DOCK10: variants seen among roughly 807,000 people sequenced by gnomAD.
DOCK10 encodes dedicator of cytokinesis 10, also known as dedicator of cytokinesis protein 10.
Under a neutral mutation model 280.1 loss-of-function variants are expected in DOCK10, and 145 were observed. The ratio of observed to expected loss-of-function variants is 0.52; its 90% confidence interval spans 0.45 to 0.59. The LOEUF (loss-of-function observed/expected upper bound fraction) is 0.59, where lower values mean the gene tolerates loss of function less well. DOCK10 is among the 20% of genes least tolerant of loss of function. The pLI, the probability that DOCK10 is intolerant of heterozygous loss-of-function variation, is 0.00. For missense variants in DOCK10, 2,368 were observed against 2,651.7 expected, an observed-to-expected ratio of 0.89 and a Z score of 2.35; for synonymous variants, 915 against 942.2, an observed-to-expected ratio of 0.97 and a Z score of 0.53.
At chr2:225,035,283 A>G (rs1263976921) in intron 1 of DOCK10, among the ~76,000 whole-genome samples, 1 of 152,036 alleles carries the variant, frequency 6.6e-6, no homozygotes, top group African/African-American at 2.4e-5. Context: ...AGGACAGCCC[A>G]TCAAAGAGGT....
intron 31 of DOCK10, among the ~76,000 whole-genome samples, chr2:224,811,516 T>G (rs1408150303): frequency 2.6e-5 from 4 of 151,952 alleles, no homozygotes; most frequent in African/African-American, 9.7e-5. Flanking sequence ...AATTTTGGCT[T>G]TTGTTGCCAT....
At chr2:224,777,225 A>G (rs1224353385) in intron 51 of DOCK10, among the ~76,000 whole-genome samples, 1 of 152,256 alleles carries the variant, frequency 6.6e-6, no homozygotes, top group Admixed American at 6.5e-5. Context: ...AATGTAATGT[A>G]AAGTATGGCG....
chr2:224,783,273 ATTT>A (rs10713926), intron 50 of DOCK10, among the ~76,000 whole-genome samples: 1 of 143,994 alleles, frequency 6.9e-6, no homozygotes, highest in Admixed American at 7.0e-5. Context: ...TCAGACTGGA[ATTT>A]TTTTTTTTTT....
rs1559986977 is a variant in DOCK10, at chr2:225,035,580, ATATAT to A, written c.123+6667_123+6671del. On this transcript the variant is annotated intron_variant, in intron 1 of 55. Transcript: ENST00000258390. ...TATATATATATATATATATATATAT[ATATAT>A]ATAACACTGAATCAGTGTTAATTGT... Among the ~76,000 whole-genome samples, 24 of 109,422 alleles carry A rather than the reference ATATAT, an allele frequency of 2.2e-4. 1 individual carries two copies. In the South Asian group the frequency reaches 3.2e-3, roughly 14 times the overall value. 71.8% of individuals were successfully genotyped at this position (109,422 alleles called of 152,430 possible).
intron 51 of DOCK10, among the ~76,000 whole-genome samples, chr2:224,776,849 C>T (rs2125006262): frequency 6.6e-6 from 1 of 152,326 alleles, no homozygotes; most frequent in South Asian, 2.1e-4. Flanking sequence ...CTAACTCAAA[C>T]ATCATCCCTT....
At chr2:224,853,281 G>A (rs1696878905) in intron 16 of DOCK10, among the ~76,000 whole-genome samples, 159 bp from the exon 17 acceptor site, 1 of 152,150 alleles carries the variant, frequency 6.6e-6, no homozygotes, top group African/African-American at 2.4e-5. Flanking sequence ...TGTAGGAGGT[G>A]GGCATGGCAG....
chr2:224,976,177 T>C (rs1398482003), intron 1 of DOCK10, among the ~76,000 whole-genome samples: 1 of 150,670 alleles, frequency 6.6e-6, no homozygotes, highest in Admixed American at 6.6e-5. Context: ...AAGTGGGAGT[T>C]GAACAATGAG....
intron 1 of DOCK10, among the ~76,000 whole-genome samples, chr2:224,999,170 G>A (rs1242647010): frequency 6.6e-6 from 1 of 152,138 alleles, no homozygotes; most frequent in Non-Finnish European, 1.5e-5. Flanking sequence ...CTGGGTGACA[G>A]AGTAAGACTT....
At chr2:224,852,030 G>A (rs1285371004) in intron 18 of DOCK10, among the ~76,000 whole-genome samples, 1 of 152,132 alleles carries the variant, frequency 6.6e-6, no homozygotes, top group East Asian at 1.9e-4. Flanking sequence ...TAGACCATAC[G>A]AGGGCCGGCT....
intron 1 of DOCK10, among the ~76,000 whole-genome samples, chr2:224,955,546 T>G (rs2126137416): frequency 6.6e-6 from 1 of 152,358 alleles, no homozygotes; most frequent in South Asian, 2.1e-4. Flanking sequence ...ACCACTTATT[T>G]AATGGCACCG....
At chr2:224,874,567 GTCTAAA>G in intron 9 of DOCK10, 93 bp downstream of exon 9, 1 of 1,230,586 alleles carries the variant, frequency 8.1e-7, no homozygotes, top group Non-Finnish European at 1.2e-6. Flanking sequence ...TAGCTTCTTG[GTCTAAA>G]TCTTAAAAGA....
intron 29 of DOCK10, among the ~76,000 whole-genome samples, chr2:224,817,807 C>T (rs1035562338): frequency 1.3e-5 from 2 of 152,164 alleles, no homozygotes; most frequent in African/African-American, 4.8e-5. Context: ...CTCCACTGCA[C>T]CCCATCTCCC....
intron 7 of DOCK10, among the ~76,000 whole-genome samples, chr2:224,880,149 C>T (rs553133285): frequency 5.3e-4 from 81 of 152,182 alleles, no homozygotes; most frequent in African/African-American, 1.7e-3. Flanking sequence ...ATATGATTGC[C>T]GGCTTCAACA....
intron 1 of DOCK10, among the ~76,000 whole-genome samples, chr2:224,943,888 C>G (rs528854925): frequency 7.2e-5 from 11 of 151,750 alleles, no homozygotes. Flanking sequence ...CTTAGCCTCC[C>G]GAGTAGCTGG....
intron 1 of DOCK10, among the ~76,000 whole-genome samples, chr2:225,025,032 T>C (rs1575172073): frequency 6.6e-6 from 1 of 152,334 alleles, no homozygotes; most frequent in East Asian, 1.9e-4. Flanking sequence ...AAAATTAATT[T>C]TATTTGTATT....
intron 30 of DOCK10, among the ~76,000 whole-genome samples, chr2:224,816,409 G>A (rs1037517978): frequency 6.6e-6 from 1 of 151,876 alleles, no homozygotes; most frequent in African/African-American, 2.4e-5. Flanking sequence ...AAAAATTGAG[G>A]AATATGAAGC....
In DOCK10 at chr2:224,765,537, A is replaced by G. The variant is rs1044766631; in HGVS notation, c.*184T>C. The G allele has an allele frequency of 1.5e-5, 8 of 538,884 alleles. No homozygotes were observed. The highest frequency in any genetic ancestry group is 4.0e-5 in the African/African-American group (2 of 50,524). 33.4% of individuals were successfully genotyped at this position (538,884 alleles called of 1,614,324 possible). A position where few individuals can be genotyped will look rare whatever the true frequency, so the allele number is the denominator to read the frequency against. On this transcript the variant is annotated 3_prime_UTR_variant, in exon 56 of 56. Transcript: ENST00000258390. ...CAACCTGGCTTGATCAACACTGCTC[A>G]AAGAAAAAAAAATTATACAAAATGT...
In DOCK10 at chr2:224,816,609, T is replaced by G; in HGVS notation, c.3364+8A>C. 1 of 1,552,478 alleles carries G rather than the reference T, an allele frequency of 6.4e-7. No homozygotes were observed. Among genetic ancestry groups the G allele is most frequent in the Non-Finnish European group, 8.9e-7 (1 of 1,129,726 alleles). On this transcript the variant is annotated splice_region_variant and intron_variant, in intron 30 of 55. Coordinates refer to ENST00000258390, the MANE Select transcript of DOCK10 (RefSeq NM_014689.3). ...AGGAACTGAGGAAAATTCTGGGAAT[T>G]TTATTACCTGGAATGTTTGCTGATC...
chr2:224,844,199 C>T (rs1696171808), intron 22 of DOCK10, among the ~76,000 whole-genome samples: 1 of 152,172 alleles, frequency 6.6e-6, no homozygotes, highest in African/African-American at 2.4e-5. Context: ...GGCACGATCT[C>T]AGCTCAACGC....
Sources: allele counts gnomAD v4.1 joint callset (sites outside exome capture counted in the v4.1 genomes callset), GRCh38; gene constraint gnomAD v4.1.1; transcripts MANE v1.5; gene names NCBI Gene and HGNC (gene_info 2026-07-23, HGNC 2026-07-21).